TTLL5: variants seen among roughly 807,000 people sequenced by gnomAD.
TTLL5 encodes tubulin polyglutamylase TTLL5.
A neutral mutation model predicts 168.4 loss-of-function variants in TTLL5; 132 were observed. The observed-to-expected ratio is 0.78, with a 90% CI of 0.68 to 0.91. The LOEUF (loss-of-function observed/expected upper bound fraction) is 0.91, where lower values mean the gene tolerates loss of function less well. TTLL5 is among the 40% of genes least tolerant of loss of function. The pLI is 0.00. For missense variants in TTLL5, 1,545 were observed against 1,581.5 expected, an observed-to-expected ratio of 0.98 and a Z score of 0.39; for synonymous variants, 546 against 558.6, an observed-to-expected ratio of 0.98 and a Z score of 0.32.
chr14:75,740,398 C>T (rs1280893326), intron 15 of TTLL5, among the ~76,000 whole-genome samples: 1 of 152,232 alleles, frequency 6.6e-6, no homozygotes, highest in South Asian at 2.1e-4. Flanking sequence ...ATACTTCTTA[C>T]ATTTTTGAAG....
chr14:75,742,090 T>C (rs1254910635), intron 15 of TTLL5, among the ~76,000 whole-genome samples: 1 of 152,230 alleles, frequency 6.6e-6, no homozygotes, highest in Non-Finnish European at 1.5e-5. Context: ...ATGCATTCCT[T>C]AATCTGTTTA....
At position 75,739,364 on chromosome 14, in the gene TTLL5, G is replaced by A. The variant is rs115988832; in HGVS notation, c.1281+4075G>A. Among the ~76,000 whole-genome samples, 463 of 151,864 alleles carry A rather than the reference G, an allele frequency of 3.0e-3. 2 individuals are homozygous for A. The highest frequency in any genetic ancestry group is 0.01 in the African/African-American group (428 of 41,396). ...ATTTTGTCATTGTCTTTCTGTTAAC[G>A]AAGCACTCTTAACTTCACAGTATTT... On this transcript the variant is annotated intron_variant, in intron 15 of 31. Transcript: ENST00000298832.
chr14:75,735,125 A>G, intron 14 of TTLL5, 70 bp from the exon 15 acceptor site: 1 of 1,428,734 alleles, frequency 7.0e-7, no homozygotes, highest in Non-Finnish European at 9.9e-7. Flanking sequence ...GTATCTAAAG[A>G]AAAGGTGCAG....
At chr14:75,771,554 A>C (rs1285767951) in intron 20 of TTLL5, among the ~76,000 whole-genome samples, 180 bp from the exon 21 acceptor site, 1 of 152,248 alleles carries the variant, frequency 6.6e-6, no homozygotes, top group Non-Finnish European at 1.5e-5. Context: ...GAAATTTAAA[A>C]AGAAAAACCT....
At chr14:75,734,194 GT>G in intron 14 of TTLL5, 144 bp downstream of exon 14, 1 of 749,856 alleles carries the variant, frequency 1.3e-6, no homozygotes, top group Non-Finnish European at 2.2e-6. Flanking sequence ...TCAGGGAAAT[GT>G]TTATATGTTT....
intron 3 of TTLL5, among the ~76,000 whole-genome samples, chr14:75,673,869 C>T (rs555331420): frequency 3.9e-5 from 6 of 152,284 alleles, no homozygotes; most frequent in African/African-American, 2.4e-5. Flanking sequence ...GGAAGTGGTT[C>T]ATTCATGTTC....
At chr14:75,769,056 AAT>A (rs1428665930) in intron 20 of TTLL5, among the ~76,000 whole-genome samples, 1 of 152,224 alleles carries the variant, frequency 6.6e-6, no homozygotes, top group African/African-American at 2.4e-5. Flanking sequence ...CTGAATTGAA[AAT>A]AGAGCATTTG....
At chr14:75,758,215 C>T (rs1890406210) in intron 18 of TTLL5, among the ~76,000 whole-genome samples, 1 of 152,160 alleles carries the variant, frequency 6.6e-6, no homozygotes, top group Non-Finnish European at 1.5e-5. Flanking sequence ...CTCTGTGCCT[C>T]ATGGTACAGA....
chr14:75,864,524 A>T (rs8009747), intron 29 of TTLL5, among the ~76,000 whole-genome samples: 20,869 of 152,142 alleles, frequency 0.14, 1,940 homozygotes, highest in East Asian at 0.4. Context: ...CTCACTGTCT[A>T]TAAAATGCCA....
At chr14:75,681,505 T>TA in intron 3 of TTLL5, 40 bp from the exon 4 acceptor site, 1 of 1,567,508 alleles carries the variant, frequency 6.4e-7, no homozygotes, top group Non-Finnish European at 8.8e-7. Flanking sequence ...TTTTTACAGT[T>TA]AACTTTCTAG....
At chr14:75,933,858 G>A (rs1032308288) in intron 31 of TTLL5, among the ~76,000 whole-genome samples, 1 of 152,166 alleles carries the variant, frequency 6.6e-6, no homozygotes, top group South Asian at 2.1e-4. Flanking sequence ...GACACACAAG[G>A]AGACACCAGG....
At chr14:75,864,666 A>G (rs1333006784) in intron 29 of TTLL5, among the ~76,000 whole-genome samples, 2 of 152,206 alleles carry the variant, frequency 1.3e-5, no homozygotes, top group African/African-American at 4.8e-5. Context: ...GATCATCATT[A>G]GAATAGTTAC....
intron 18 of TTLL5, among the ~76,000 whole-genome samples, chr14:75,755,067 CCAGCCTGACCCACAT>C (rs1460124657): frequency 4.6e-5 from 7 of 152,044 alleles, no homozygotes; most frequent in Non-Finnish European, 7.4e-5. Flanking sequence ...GAGTTCGAGA[CCAGCCTGACCCACAT>C]GGAGAAACCC....
chr14:75,705,832 G>C (rs947514676), intron 7 of TTLL5, among the ~76,000 whole-genome samples: 1 of 151,590 alleles, frequency 6.6e-6, no homozygotes, highest in African/African-American at 2.4e-5. Flanking sequence ...GTGACTTCCA[G>C]CTTTATCTAA....
At chr14:75,869,910 C>T (rs1430685535) in intron 29 of TTLL5, among the ~76,000 whole-genome samples, 1 of 139,868 alleles carries the variant, frequency 7.1e-6, no homozygotes, top group Admixed American at 8.2e-5. Flanking sequence ...ACGTCTGCCT[C>T]CCGGGTTCAA....
rs182926762 is a variant in TTLL5 at position 75,857,375 on chromosome 14, G to A, written c.3327-6292G>A. 3.9e-4 allele frequency among the ~76,000 whole-genome samples: 36 copies of A among 91,878 alleles called. No individual in the cohort carries two copies. In the East Asian group the frequency reaches 8.9e-3, roughly 23 times the overall value. 60.3% of individuals were successfully genotyped at this position (91,878 alleles called of 152,430 possible). On this transcript the variant is annotated intron_variant, in intron 28 of 31. Coordinates refer to ENST00000298832, the MANE Select transcript of TTLL5 (RefSeq NM_015072.5). The stretch of plus-strand genomic sequence containing the variant: ...ATTATCCTAGTGTATTTGATTGGTT[G>A]GTTGATTAGATAGATAGATAGATAG...
rs116729798 is a variant in TTLL5, at chr14:75,803,907, C to T, written c.3171+10807C>T. 8.3e-3 allele frequency among the ~76,000 whole-genome samples: 1,265 copies of T among 152,276 alleles called. 16 individuals carry two copies. Among genetic ancestry groups the T allele is most frequent in the African/African-American group, 0.029 (1,188 of 41,552 alleles). Reference sequence around the variant, plus strand: ...GTGGGAGGCAGGGAATCAGAGGGAGCGCTGGCCCTCTCCGTGCAGGCAAGC... The same window carrying T: ...GTGGGAGGCAGGGAATCAGAGGGAGTGCTGGCCCTCTCCGTGCAGGCAAGC... On this transcript the variant is annotated intron_variant, in intron 27 of 31. Transcript: ENST00000298832.
rs2034758429 is a variant in TTLL5 at position 75,945,945 on chromosome 14, A to G, written c.3824-8479A>G. ...AACAAAAATACAGTGTAATGTTGCCATTGAGGAAAGGAAATAATTACCAAA... is the reference window on the plus strand; with the variant it reads ...AACAAAAATACAGTGTAATGTTGCCGTTGAGGAAAGGAAATAATTACCAAA... On this transcript the variant is annotated intron_variant, in intron 31 of 31. Transcript: ENST00000298832. Among the ~76,000 whole-genome samples, 3 of 152,256 alleles carry G rather than the reference A, an allele frequency of 2.0e-5. No homozygotes were observed. In the South Asian group the frequency reaches 6.2e-4, roughly 31 times the overall value.
chr14:75,766,758 G>A (rs1890986886), intron 20 of TTLL5, among the ~76,000 whole-genome samples: 2 of 152,156 alleles, frequency 1.3e-5, no homozygotes, highest in Admixed American at 6.5e-5. Context: ...GGGAGGGCTA[G>A]AAAGGCATTA....
Sources: gnomAD v4.1 joint callset for allele counts (sites outside exome capture counted in the v4.1 genomes callset) on GRCh38, gnomAD v4.1.1 for gene constraint, MANE v1.5 for transcripts, NCBI Gene and HGNC (gene_info 2026-07-23, HGNC 2026-07-21) for gene names.